HDAC4: variants seen among roughly 807,000 people sequenced by gnomAD.
HDAC4 encodes histone deacetylase 4.
A neutral mutation model predicts 135.1 loss-of-function variants in HDAC4; 16 were observed. The observed-to-expected ratio is 0.12, with a 90% CI of 0.08 to 0.18. The LOEUF (loss-of-function observed/expected upper bound fraction) is 0.18. Among genes scored for constraint, HDAC4 ranks in the 10% least tolerant of loss-of-function variants. The pLI, the probability that HDAC4 is intolerant of heterozygous loss-of-function variation, is 1.00. For synonymous variants in HDAC4, 685 were observed against 653.4 expected, an observed-to-expected ratio of 1.05 and a Z score of -0.74; for missense variants, 1,143 against 1,511.8, an observed-to-expected ratio of 0.76 and a Z score of 4.05.
intron 5 of HDAC4, among the ~76,000 whole-genome samples, chr2:239,172,620 A>G (rs1389357040): frequency 6.6e-6 from 1 of 152,098 alleles, no homozygotes; most frequent in Non-Finnish European, 1.5e-5. Context: ...ACACCCTAAG[A>G]AAACAGAACA....
chr2:239,126,392 T>C, intron 12 of HDAC4, 64 bp downstream of exon 12: 1 of 1,610,388 alleles, frequency 6.2e-7, no homozygotes, highest in Non-Finnish European at 8.5e-7. Context: ...TGCTGAAGCC[T>C]GAGGCTGAAG....
chr2:239,168,209 T>C (rs997704809), intron 5 of HDAC4, among the ~76,000 whole-genome samples: 1 of 152,190 alleles, frequency 6.6e-6, no homozygotes, highest in Admixed American at 6.5e-5. Context: ...AAGGACTTGC[T>C]CAGTGACCTC....
At chr2:239,399,904 A>G (rs1300890766) in intron 1 of HDAC4, among the ~76,000 whole-genome samples, 1 of 152,220 alleles carries the variant, frequency 6.6e-6, no homozygotes, top group East Asian at 1.9e-4. Context: ...AATTTACAAC[A>G]TGCAATAAAG....
intron 6 of HDAC4, chr2:239,162,121 C>T (rs2042838185): frequency 2.2e-6 from 1 of 456,662 alleles, no homozygotes; most frequent in African/African-American, 2.0e-5. Flanking sequence ...CCCCTGCTTC[C>T]CAGCAGCCCC....
chr2:239,371,719 C>T (rs1269275190), intron 1 of HDAC4, among the ~76,000 whole-genome samples: 1 of 152,186 alleles, frequency 6.6e-6, no homozygotes, highest in African/African-American at 2.4e-5. Context: ...CAGGCATGGC[C>T]GCACAAGCAG....
intron 2 of HDAC4, among the ~76,000 whole-genome samples, chr2:239,260,289 G>A (rs929838240): frequency 2.0e-5 from 3 of 152,280 alleles, no homozygotes; most frequent in South Asian, 4.1e-4. Context: ...GAACCCAGAC[G>A]TGCAATTCAA....
At chr2:239,253,627 A>G (rs2048902175) in intron 2 of HDAC4, among the ~76,000 whole-genome samples, 1 of 152,248 alleles carries the variant, frequency 6.6e-6, no homozygotes, top group Admixed American at 6.5e-5. Context: ...CACTGACTCG[A>G]TAAGGATCCC....
chr2:239,236,796 C>T, intron 2 of HDAC4, 132 bp from the exon 3 acceptor site: 1 of 731,054 alleles, frequency 1.4e-6, no homozygotes, highest in Admixed American at 2.0e-5. Context: ...TACAGGGGGA[C>T]ACTTTCAGCT....
intron 24 of HDAC4, among the ~76,000 whole-genome samples, chr2:239,063,325 C>T (rs1385759960): frequency 1.3e-5 from 2 of 152,022 alleles, no homozygotes; most frequent in African/African-American, 4.8e-5. Flanking sequence ...CTCAGCCTCC[C>T]GAGTAGCTGG....
Position 239,183,424 on chromosome 2 carries a change from G to A in HDAC4, c.339+6409C>T, listed in dbSNP as rs1001560585. Among the ~76,000 whole-genome samples the A allele has an allele frequency of 7.9e-5, 12 of 152,360 alleles. No homozygotes were observed. In the South Asian group the frequency reaches 1.7e-3, roughly 21 times the overall value. On this transcript the variant is annotated intron_variant, in intron 4 of 26. Transcript: ENST00000543185. ...GCGGCAGGGGCCAGGAGGAAAGGGC[G>A]GCAGAATGGACGCCACGGACGGTAA...
chr2:239,352,570 G>T lies in HDAC4; in HGVS notation c.22+108C>A. The T allele has an allele frequency of 1.8e-6, 2 of 1,125,030 alleles. No homozygotes were observed. The highest frequency in any genetic ancestry group is 1.9e-4 in the Middle Eastern group (1 of 5,176). The allele number at this position is 1,125,030 out of a possible 1,614,324, so 69.7% of individuals were successfully genotyped here. A position where few individuals can be genotyped will look rare whatever the true frequency, so the allele number is the denominator to read the frequency against. On this transcript the variant is annotated intron_variant, in intron 2 of 26. Coordinates refer to ENST00000543185, the MANE Select transcript of HDAC4 (RefSeq NM_001378414.1). This position sits in a 1 kb window ranked among gnomAD's most constrained non-coding sequence, Gnocchi z 4.4. ...AAAAACCAACAGTGACCACTATCAA[G>T]AAAAACAAAAGTCTCAAATCCAGAA...
rs759354378 is a variant in HDAC4 at position 239,053,087 on chromosome 2, C to T, written c.*10G>A. The T allele has an allele frequency of 8.1e-6, 13 of 1,614,026 alleles. No individual in the cohort carries two copies. The highest frequency in any genetic ancestry group is 2.2e-5 in the East Asian group (1 of 44,898). On this transcript the variant is annotated 3_prime_UTR_variant, in exon 27 of 27. Coordinates refer to ENST00000543185, the MANE Select transcript of HDAC4 (RefSeq NM_001378414.1). ...CAGACAGACAAGAGAACAGCAGCTT[C>T]GAGGGAGTGCTACAGGGGCGGCTCC...
At chr2:239,202,967 G>A (rs2045847280) in intron 3 of HDAC4, among the ~76,000 whole-genome samples, 1 of 152,144 alleles carries the variant, frequency 6.6e-6, no homozygotes, top group Non-Finnish European at 1.5e-5. Context: ...ACTGATCGCC[G>A]CACCTGGATG....
At chr2:239,320,668 T>C (rs2053278546) in intron 2 of HDAC4, among the ~76,000 whole-genome samples, 1 of 152,222 alleles carries the variant, frequency 6.6e-6, no homozygotes, top group African/African-American at 2.4e-5. Flanking sequence ...CTGAATCTTT[T>C]TGAGTCTTTT....
chr2:239,274,693 C>T, intron 2 of HDAC4, among the ~76,000 whole-genome samples: 1 of 152,222 alleles, frequency 6.6e-6, no homozygotes, highest in East Asian at 1.9e-4. Flanking sequence ...CACGGCGGGG[C>T]TCTCTCAGCC....
chr2:239,318,308 C>T (rs1474858651), intron 2 of HDAC4, among the ~76,000 whole-genome samples: 1 of 152,230 alleles, frequency 6.6e-6, no homozygotes, highest in Non-Finnish European at 1.5e-5. Context: ...TCACTGGAAT[C>T]CAATCACGAG....
At chr2:239,178,025 GCTC>G (rs1396333720) in intron 4 of HDAC4, among the ~76,000 whole-genome samples, 1 of 152,170 alleles carries the variant, frequency 6.6e-6, no homozygotes, top group Non-Finnish European at 1.5e-5. Context: ...ACGTCCTTCC[GCTC>G]CTCTGAGATG....
rs560720152 is a variant in HDAC4, at chr2:239,095,508, C to T, written c.2234-452G>A. Among the ~76,000 whole-genome samples the T allele has an allele frequency of 2.2e-3, 341 of 152,262 alleles. 1 individual carries two copies. Among genetic ancestry groups the T allele is most frequent in the Non-Finnish European group, 4.3e-3 (289 of 67,992 alleles). ...CCCATGGCAAACAAGGGGCAAGTCC[C>T]GGGATTAAACATGGGTCCTGAGGCC... is the stretch of plus-strand genomic sequence containing the variant. On this transcript the variant is annotated intron_variant, in intron 16 of 26. Coordinates refer to ENST00000543185, the MANE Select transcript of HDAC4 (RefSeq NM_001378414.1).
chr2:239,302,453 C>T (rs1314723397), intron 2 of HDAC4, among the ~76,000 whole-genome samples: 4 of 152,232 alleles, frequency 2.6e-5, no homozygotes, highest in African/African-American at 9.7e-5. Context: ...TTAGCAAAAC[C>T]CCTTGCTCTC....
Sources: allele counts gnomAD v4.1 joint callset (sites outside exome capture counted in the v4.1 genomes callset), GRCh38; gene constraint gnomAD v4.1.1; non-coding constraint Gnocchi (gnomAD v3.1); transcripts MANE v1.5; gene names NCBI Gene and HGNC (gene_info 2026-07-23, HGNC 2026-07-21).